Variants in CMTM7 observed in about 807,000 individuals in gnomAD.
CMTM7 encodes the protein CKLF-like MARVEL transmembrane domain-containing protein 7.
In CMTM7, 7 loss-of-function variants were observed where a neutral mutation model predicts 19.3. The observed-to-expected ratio is 0.36, with a 90% CI of 0.21 to 0.68. CMTM7 has a LOEUF of 0.68. CMTM7 is among the 30% of genes least tolerant of loss of function. The pLI is 0.60. For synonymous variants in CMTM7, 87 were observed against 99.3 expected (o/e 0.88, Z 0.74); for missense variants, 193 against 232.6 (o/e 0.83, Z 1.11).
chr3:32,406,261 GT>G (rs1373747777), intron 1 of CMTM7, among the ~76,000 whole-genome samples: 6 of 152,110 alleles, frequency 3.9e-5, no homozygotes, highest in Non-Finnish European at 8.8e-5. Context: ...ACTGACAGCC[GT>G]TTAGGGTATT....
intron 2 of CMTM7, among the ~76,000 whole-genome samples, chr3:32,444,627 A>G (rs1696727793): frequency 6.6e-6 from 1 of 152,264 alleles, no homozygotes; most frequent in African/African-American, 2.4e-5. Context: ...TCCATAGATC[A>G]ATTTGGAGAA....
At chr3:32,438,564 G>A (rs1696632226) in intron 1 of CMTM7, among the ~76,000 whole-genome samples, 1 of 152,048 alleles carries the variant, frequency 6.6e-6, no homozygotes, top group South Asian at 2.1e-4. Context: ...GGGCAAAAAG[G>A]AAGCTTTTAG....
intron 1 of CMTM7, among the ~76,000 whole-genome samples, chr3:32,432,927 G>A (rs1408740812): frequency 1.3e-5 from 2 of 152,104 alleles, no homozygotes; most frequent in African/African-American, 4.8e-5. Flanking sequence ...TTTTCTTGTG[G>A]AGATGACCGT....
intron 4 of CMTM7, 76 bp downstream of exon 4, chr3:32,452,549 G>A: frequency 7.0e-7 from 1 of 1,429,070 alleles, no homozygotes; most frequent in East Asian, 2.3e-5. Context: ...CAGCCATAGG[G>A]ACAAACCCTG....
chr3:32,436,805 C>T (rs952336466), intron 1 of CMTM7, among the ~76,000 whole-genome samples: 1 of 152,052 alleles, frequency 6.6e-6, no homozygotes, highest in African/African-American at 2.4e-5. Context: ...GAAATGTTCC[C>T]AAGCATGGGT....
chr3:32,435,138 T>G (rs1457785581), intron 1 of CMTM7, among the ~76,000 whole-genome samples: 1 of 152,222 alleles, frequency 6.6e-6, no homozygotes, highest in Admixed American at 6.5e-5. Flanking sequence ...GCACGGTGGC[T>G]CACGCCTGTA....
chr3:32,434,137 C>A (rs6788735), intron 1 of CMTM7, among the ~76,000 whole-genome samples: 1 of 151,764 alleles, frequency 6.6e-6, no homozygotes, highest in Non-Finnish European at 1.5e-5. Context: ...TGCAGTGAGC[C>A]GAGATCATGC....
rs1696793148 is a variant in CMTM7, at chr3:32,449,105, G to A, written c.334-349G>A. Among the ~76,000 whole-genome samples, 1 of 152,354 alleles carries A rather than the reference G, an allele frequency of 6.6e-6. No individual in the cohort carries two copies. The highest frequency in any genetic ancestry group is 2.1e-4 in the South Asian group (1 of 4,832). ...CCAGCCGGGAAGTTGCAAGAAGCTC[G>A]TTTGCTTTTTAGTAGCTTTAGCCAG... On this transcript the variant is annotated intron_variant, in intron 2 of 4. Coordinates refer to ENST00000334983, the MANE Select transcript of CMTM7 (RefSeq NM_138410.4). This position sits in a 1 kb window ranked among gnomAD's most constrained non-coding sequence, Gnocchi z 4.5.
chr3:32,433,044 TAGTC>T (rs1252287594), intron 1 of CMTM7, among the ~76,000 whole-genome samples: 1 of 152,228 alleles, frequency 6.6e-6, no homozygotes, highest in African/African-American at 2.4e-5. Flanking sequence ...TCTTGAAATT[TAGTC>T]AGCCCCAAAA....
At chr3:32,429,730 A>G (rs1472272641) in intron 1 of CMTM7, among the ~76,000 whole-genome samples, 4 of 151,338 alleles carry the variant, frequency 2.6e-5, no homozygotes, top group Non-Finnish European at 5.9e-5. Flanking sequence ...CCTCCCGAGT[A>G]GCTGGGACTA....
chr3:32,410,633 G>A (rs1019017908), intron 1 of CMTM7, among the ~76,000 whole-genome samples: 2 of 152,218 alleles, frequency 1.3e-5, no homozygotes, highest in African/African-American at 4.8e-5. Flanking sequence ...TCACAGAGAG[G>A]CTAGGATGCC....
intron 1 of CMTM7, among the ~76,000 whole-genome samples, chr3:32,422,655 T>C (rs1696362672): frequency 1.3e-5 from 2 of 152,242 alleles, no homozygotes; most frequent in South Asian, 4.1e-4. Flanking sequence ...AAAACAGATG[T>C]ATCAGTTAGC....
chr3:32,453,740 C>G (rs1053080011), intron 4 of CMTM7, among the ~76,000 whole-genome samples: 1 of 152,008 alleles, frequency 6.6e-6, no homozygotes, highest in African/African-American at 2.4e-5. Flanking sequence ...TGAAAAGGCT[C>G]TAAAATTGTG....
At chr3:32,392,826 A>T (rs1695860466) in intron 1 of CMTM7, among the ~76,000 whole-genome samples, 1 of 152,218 alleles carries the variant, frequency 6.6e-6, no homozygotes, top group Non-Finnish European at 1.5e-5. Context: ...ACTCAGCACA[A>T]GGGCCTCCTA....
At chr3:32,419,374 A>G (rs1018972061) in intron 1 of CMTM7, among the ~76,000 whole-genome samples, 2 of 152,114 alleles carry the variant, frequency 1.3e-5, no homozygotes, top group African/African-American at 4.8e-5. Context: ...ATATGCCTCT[A>G]TTTCTTTTTC....
At chr3:32,427,449 C>T (rs1449374355) in intron 1 of CMTM7, among the ~76,000 whole-genome samples, 1 of 152,036 alleles carries the variant, frequency 6.6e-6, no homozygotes, top group Non-Finnish European at 1.5e-5. Context: ...GGAGAGGTGC[C>T]CTCGGTATGG....
At chr3:32,406,466 C>T (rs541492493) in intron 1 of CMTM7, among the ~76,000 whole-genome samples, 5 of 152,248 alleles carry the variant, frequency 3.3e-5, no homozygotes, top group Admixed American at 1.3e-4. Context: ...CTTCTCCCAG[C>T]GGGCTTTAGG....
At chr3:32,396,781 G>A (rs56229567) in intron 1 of CMTM7, among the ~76,000 whole-genome samples, 11,360 of 152,206 alleles carry the variant, frequency 0.075, 499 homozygotes, top group East Asian at 0.13. Flanking sequence ...ACAAAAGCTG[G>A]GCTGAAAGGC....
chr3:32,426,143 C>T (rs1315835148), intron 1 of CMTM7, among the ~76,000 whole-genome samples: 2 of 151,928 alleles, frequency 1.3e-5, no homozygotes, highest in African/African-American at 4.8e-5. Flanking sequence ...GAAACTCCGT[C>T]TCAAAAAAAA....
Sources: allele counts gnomAD v4.1 joint callset (sites outside exome capture counted in the v4.1 genomes callset), GRCh38; gene constraint gnomAD v4.1.1; non-coding constraint Gnocchi (gnomAD v3.1); transcripts MANE v1.5; gene names NCBI Gene and HGNC (gene_info 2026-07-23, HGNC 2026-07-21).